CRAMP1: variants seen among roughly 807,000 people sequenced by gnomAD.
The protein encoded by CRAMP1 is protein cramped-like.
CRAMP1 carries 50 observed loss-of-function variants against 115.4 expected under a neutral mutation model. The observed-to-expected ratio is 0.43, with a 90% confidence interval of 0.35 to 0.55. The LOEUF (loss-of-function observed/expected upper bound fraction) is 0.55. Among genes scored for constraint, CRAMP1 ranks in the 20% least tolerant of loss-of-function variants. CRAMP1 has a pLI of 0.01. For missense variants in CRAMP1, 1,679 were observed against 1,721.7 expected (o/e 0.98, Z 0.44); for synonymous variants, 866 against 745.4 (o/e 1.16, Z -2.64).
rs148468336 is a variant in CRAMP1, at chr16:1,670,559, G to A, written c.3500-105G>A. 2,671 of 1,261,330 alleles carry A rather than the reference G, an allele frequency of 2.1e-3. 9 individuals carry two copies. The highest frequency in any genetic ancestry group is 2.5e-3 in the Non-Finnish European group (2,211 of 893,924). 78.1% of individuals were successfully genotyped at this position (1,261,330 alleles called of 1,614,324 possible). On this transcript the variant is annotated intron_variant, in intron 19 of 20. Coordinates refer to ENST00000397412, the MANE Select transcript of CRAMP1 (RefSeq NM_020825.4). Reference sequence around the variant, plus strand: ...ACAAGTCTGGATTGGGGCCGGGGCCGGGGCTAGGGCTTGGGCTGGCTGCCC... The same window carrying A: ...ACAAGTCTGGATTGGGGCCGGGGCCAGGGCTAGGGCTTGGGCTGGCTGCCC...
intron 6 of CRAMP1, 127 bp downstream of exon 6, chr16:1,641,314 G>C: frequency 1.4e-6 from 1 of 718,992 alleles, no homozygotes; most frequent in African/African-American, 1.8e-5. Context: ...TCTCAGTTAC[G>C]TGTTCAGTCC....
At chr16:1,634,979 A>T (rs2036575721) in intron 4 of CRAMP1, among the ~76,000 whole-genome samples, 1 of 151,812 alleles carries the variant, frequency 6.6e-6, no homozygotes, top group South Asian at 2.1e-4. Flanking sequence ...GCTCACTGTA[A>T]CCTCCATCTC....
At chr16:1,670,993 G>C (rs2036917996) in intron 20 of CRAMP1, among the ~76,000 whole-genome samples, 184 bp downstream of exon 20, 1 of 152,136 alleles carries the variant, frequency 6.6e-6, no homozygotes, top group African/African-American at 2.4e-5. Flanking sequence ...CGCTGGGCCG[G>C]CTCTCGTCCC....
In CRAMP1 at chr16:1,626,169, G is replaced by A; in HGVS notation, c.540+3G>A. The stretch of plus-strand genomic sequence containing the variant: ...CCTTCTTCGAGGGGCTGTACGAGGT[G>A]AGTAGGCTGTGGAGGCACGGCCAGG... On this transcript the variant is annotated splice_donor_region_variant and intron_variant, in intron 3 of 20. Transcript: ENST00000397412. 2 of 1,494,830 alleles carry A rather than the reference G, an allele frequency of 1.3e-6. No homozygotes were observed. The highest frequency in any genetic ancestry group is 1.8e-6 in the Non-Finnish European group (2 of 1,115,306). The allele number at this position is 1,494,830 out of a possible 1,614,324, so 92.6% of individuals were successfully genotyped here.
chr16:1,656,915 C>G lies in CRAMP1; in HGVS notation c.2158C>G (p.Leu720Val), dbSNP rs1436192641. The G allele has an allele frequency of 6.4e-7, 1 of 1,556,356 alleles. No homozygotes were observed. Among genetic ancestry groups the G allele is most frequent in the Admixed American group, 1.9e-5 (1 of 51,826 alleles). The change falls in exon 10 of 21, where the codon CTA becomes GTA. Residue 720 changes from leucine to valine, a missense_variant. By Grantham distance (32) the Leu-to-Val change is conservative. Around this residue, in one of 8 missense-constraint regions of CRAMP1, gnomAD observed 709 missense variants for 741.9 expected, o/e 0.96. Coordinates refer to ENST00000397412, the MANE Select transcript of CRAMP1 (RefSeq NM_020825.4). This position sits in a 1 kb window ranked among gnomAD's most constrained non-coding sequence, Gnocchi z 5.6. Reference sequence around the variant, plus strand: ...CCGCCAGGACCCCCGCCCCGGCTCCCTACCCACCGCCCTCCACAAGCAGCG... The same window carrying G: ...CCGCCAGGACCCCCGCCCCGGCTCCGTACCCACCGCCCTCCACAAGCAGCG... ...PGRQDPRPGSLPTALHKQRLL... is the reference protein window; with the variant it reads ...PGRQDPRPGSVPTALHKQRLL...
chr16:1,650,340 A>C (rs2036712331), intron 6 of CRAMP1, among the ~76,000 whole-genome samples: 1 of 152,176 alleles, frequency 6.6e-6, no homozygotes. Flanking sequence ...AAACTGCGGG[A>C]GTCATCTGGA....
At position 1,661,053 on chromosome 16, in the gene CRAMP1, G is replaced by A. The variant is rs557486160; in HGVS notation, c.2413+990G>A. 1.5e-4 allele frequency among the ~76,000 whole-genome samples: 23 copies of A among 151,996 alleles called. No homozygotes were observed. In the South Asian group the frequency reaches 4.2e-3, roughly 27 times the overall value. On this transcript the variant is annotated intron_variant, in intron 11 of 20. Coordinates refer to ENST00000397412, the MANE Select transcript of CRAMP1 (RefSeq NM_020825.4). ...GAGTTTTCAACGTAAAATAAGGCCC[G>A]GAACAGTGGCTCATGCCTATAATCC...
intron 10 of CRAMP1, among the ~76,000 whole-genome samples, chr16:1,657,848 G>A (rs534908385): frequency 5.9e-5 from 9 of 152,204 alleles, no homozygotes; most frequent in Non-Finnish European, 1.0e-4. Context: ...AGGGGCTGGC[G>A]AGCTGCTGGA....
intron 3 of CRAMP1, among the ~76,000 whole-genome samples, chr16:1,629,339 G>A (rs929919575): frequency 1.3e-4 from 20 of 152,170 alleles, no homozygotes; most frequent in African/African-American, 3.6e-4. Flanking sequence ...CTCTGTGGAC[G>A]CTGCAGGTTT....
chr16:1,652,944 C>A, intron 7 of CRAMP1, 89 bp from the exon 8 acceptor site: 2 of 1,512,128 alleles, frequency 1.3e-6, no homozygotes, highest in Non-Finnish European at 9.0e-7. Flanking sequence ...CTGCTCACAG[C>A]TGATTTCACT....
chr16:1,622,351 A>G (rs2036472065), intron 2 of CRAMP1, among the ~76,000 whole-genome samples: 1 of 152,160 alleles, frequency 6.6e-6, no homozygotes, highest in African/African-American at 2.4e-5. Flanking sequence ...CGTCTCTACT[A>G]AAGTACAAAA....
At chr16:1,624,425 T>G (rs1241010328) in intron 2 of CRAMP1, among the ~76,000 whole-genome samples, 1 of 152,034 alleles carries the variant, frequency 6.6e-6, no homozygotes, top group Non-Finnish European at 1.5e-5. Context: ...TGCTTTTTTT[T>G]TTTTTGGAGA....
At position 1,626,801 on chromosome 16, in the gene CRAMP1, A is replaced by AT. The variant is rs201016215; in HGVS notation, c.540+644dup. ...GTGTTTCATAGCTCTTTTGCTCTGT[A>AT]TTTTTTTTTAACGCCTGTAAATATT... On this transcript the variant is annotated intron_variant, in intron 3 of 20. Coordinates refer to ENST00000397412, the MANE Select transcript of CRAMP1 (RefSeq NM_020825.4). Among the ~76,000 whole-genome samples, 624 of 150,790 alleles carry AT rather than the reference A, an allele frequency of 4.1e-3. 1 individual carries two copies. The highest frequency in any genetic ancestry group is 6.2e-3 in the African/African-American group (255 of 41,210).
In CRAMP1 at chr16:1,666,399, T is replaced by G. The variant is rs765265250; in HGVS notation, c.2858-23T>G. ...ATGGGTTGTCAGTAGAGCAGAGATG[T>G]GCAGCGTCCTTTTTGTTGCCAGGTG... On this transcript the variant is annotated intron_variant, in intron 15 of 20. Coordinates refer to ENST00000397412, the MANE Select transcript of CRAMP1 (RefSeq NM_020825.4). The surrounding 1 kb of genome is among the most constrained non-coding windows in gnomAD (Gnocchi z 5.0). 1.2e-6 allele frequency: 2 copies of G among 1,603,286 alleles called. No homozygotes were observed. Among genetic ancestry groups the G allele is most frequent in the Non-Finnish European group, 1.7e-6 (2 of 1,174,220 alleles).
At chr16:1,628,622 G>T (rs1239425274) in intron 3 of CRAMP1, among the ~76,000 whole-genome samples, 1 of 152,232 alleles carries the variant, frequency 6.6e-6, no homozygotes, top group Admixed American at 6.5e-5. Flanking sequence ...GTCTTGATGT[G>T]TGGCTGACTG....
Position 1,665,130 on chromosome 16 carries a change from C to A in CRAMP1, c.2744C>A (p.Ser915Tyr). 1.2e-6 allele frequency: 2 copies of A among 1,609,944 alleles called. No homozygotes were observed. Among genetic ancestry groups the A allele is most frequent in the Non-Finnish European group, 1.7e-6 (2 of 1,176,186 alleles). Residue 915 changes from serine to tyrosine, a missense_variant, in exon 14 of 21, where the codon TCC becomes TAC. This residue lies in a region of CRAMP1 where 709 missense variants were observed against 741.9 expected (regional missense o/e 0.96). Transcript: ENST00000397412. ...TCCTTCTCCATCCTGTCTAACTCTTCCGTAACTGGTAAGGACCCTGAGCTT... is the reference window on the plus strand; with the variant it reads ...TCCTTCTCCATCCTGTCTAACTCTTACGTAACTGGTAAGGACCCTGAGCTT... ...VCSFSILSNS[S>Y]VTGRGSFRPI... is the part of the protein sequence containing the mutation.
At position 1,662,922 on chromosome 16, in the gene CRAMP1, G is replaced by A. The variant is rs536478472; in HGVS notation, c.2670+87G>A. The A allele has an allele frequency of 8.4e-5, 89 of 1,059,022 alleles. No individual in the cohort carries two copies. The African/African-American group carries it at 1.2e-3, about 15-fold the overall frequency. 65.6% of individuals were successfully genotyped at this position (1,059,022 alleles called of 1,614,324 possible). ...TTCTTCCCTCTCTCACATTTTCATG[G>A]TGTAAAATGTGGGAAATTCCTGCCC... On this transcript the variant is annotated intron_variant, in intron 13 of 20. Coordinates refer to ENST00000397412, the MANE Select transcript of CRAMP1 (RefSeq NM_020825.4).
Position 1,614,666 on chromosome 16 carries a change from C to T in CRAMP1, c.27C>T (p.Gly9=). 7.7e-7 allele frequency: 1 copy of T among 1,294,674 alleles called. No individual in the cohort carries two copies. Among genetic ancestry groups the T allele is most frequent in the South Asian group, 2.5e-5 (1 of 40,624 alleles). The allele number at this position is 1,294,674 out of a possible 1,614,324, so 80.2% of individuals were successfully genotyped here. A position where few individuals can be genotyped will look rare whatever the true frequency, so the allele number is the denominator to read the frequency against. The part of the protein sequence containing the change: MTVKLGDG[G]SGEDGLKKLG... ...TGACAGTGAAGTTGGGCGACGGCGG[C>T]AGCGGGGAGGACGGGCTCAAGAAGC... is the stretch of plus-strand genomic sequence containing the variant. The change falls in exon 2 of 21, where the codon GGC becomes GGT. Residue 9 remains glycine (G), a synonymous_variant. Transcript: ENST00000397412. The surrounding 1 kb of genome is among the most constrained non-coding windows in gnomAD (Gnocchi z 4.4).
In CRAMP1 at chr16:1,672,288, G is replaced by A. The variant is rs563811398; in HGVS notation, c.3645+1479G>A. ...TAGTATTTGTGAAACGCTGCCCGTC[G>A]CGAGTAATGCAAACGTGTTCACCTT... On this transcript the variant is annotated intron_variant, in intron 20 of 20. Transcript: ENST00000397412. The surrounding 1 kb of genome is among the most constrained non-coding windows in gnomAD (Gnocchi z 4.9). Among the ~76,000 whole-genome samples the A allele has an allele frequency of 1.3e-5, 2 of 152,298 alleles. No homozygotes were observed. Among genetic ancestry groups the A allele is most frequent in the South Asian group, 2.1e-4 (1 of 4,826 alleles).
Sources: allele counts gnomAD v4.1 joint callset (sites outside exome capture counted in the v4.1 genomes callset), GRCh38; gene constraint gnomAD v4.1.1; regional missense constraint gnomAD v4.1.1; non-coding constraint Gnocchi (gnomAD v3.1); transcripts MANE v1.5; gene names NCBI Gene and HGNC (gene_info 2026-07-23, HGNC 2026-07-21).